Variants in RANBP2 observed in about 807,000 individuals in gnomAD.
RANBP2 encodes the protein E3 SUMO-protein ligase RanBP2.
Under a neutral mutation model 303.6 loss-of-function variants are expected in RANBP2, and 57 were observed. That is an observed-to-expected ratio of 0.19 (90% CI 0.15 to 0.23). The LOEUF (loss-of-function observed/expected upper bound fraction) is 0.23. Among genes scored for constraint, RANBP2 ranks in the 10% least tolerant of loss-of-function variants. The pLI is 1.00. For synonymous variants in RANBP2, 1,167 were observed against 1,301.5 expected (o/e 0.90, Z 2.23); for missense variants, 3,138 against 3,780.8 (o/e 0.83, Z 4.46).
chr2:109,386,403 G>T, the RANBP2 span, among the ~76,000 whole-genome samples: 1 of 151,574 alleles, frequency 6.6e-6, no homozygotes, highest in South Asian at 2.1e-4. Context: ...CGCTATGACT[G>T]TTACAAGAAG....
the RANBP2 span, among the ~76,000 whole-genome samples, chr2:108,889,096 T>C: frequency 6.6e-6 from 1 of 152,302 alleles, no homozygotes; most frequent in South Asian, 2.1e-4. Context: ...TTCCATGTTT[T>C]TGTATAGTTT....
the RANBP2 span, among the ~76,000 whole-genome samples, chr2:109,358,825 T>C: frequency 6.6e-6 from 1 of 152,244 alleles, no homozygotes; most frequent in Non-Finnish European, 1.5e-5. Context: ...TTGTGGATCA[T>C]GCTTTTGGTG....
chr2:109,641,950 C>T, the RANBP2 span, among the ~76,000 whole-genome samples: 14 of 152,156 alleles, frequency 9.2e-5, no homozygotes, highest in Non-Finnish European at 1.5e-4. Flanking sequence ...GGATTACAGG[C>T]GCCTGCCACC....
the RANBP2 span, among the ~76,000 whole-genome samples, chr2:109,160,497 A>G: frequency 6.6e-6 from 1 of 152,246 alleles, no homozygotes; most frequent in African/African-American, 2.4e-5. Context: ...ACCCTCTGGC[A>G]GGGAGAACGT....
At chr2:108,834,992 A>G in the RANBP2 span, among the ~76,000 whole-genome samples, 1 of 152,250 alleles carries the variant, frequency 6.6e-6, no homozygotes, top group African/African-American at 2.4e-5. Flanking sequence ...TTGAAGTCAA[A>G]TGGATCTTGA....
At chr2:108,815,989 T>A in the RANBP2 span, 1 of 1,613,490 alleles carries the variant, frequency 6.2e-7, no homozygotes, top group Admixed American at 1.7e-5. Context: ...CTTCATGGAC[T>A]GGATTTCGGA....
At chr2:109,677,839 G>T in the RANBP2 span, among the ~76,000 whole-genome samples, 1 of 152,232 alleles carries the variant, frequency 6.6e-6, no homozygotes, top group South Asian at 2.1e-4. Context: ...GTTTGTTTCT[G>T]TGTCTTACTC....
chr2:108,783,516 T>G, intron 28 of RANBP2, 80 bp from the exon 29 acceptor site: 1 of 1,038,682 alleles, frequency 9.6e-7, no homozygotes, highest in Non-Finnish European at 1.4e-6. Flanking sequence ...ATGAGTTCTG[T>G]GTGTATTTTA....
chr2:109,331,232 G>T, the RANBP2 span, among the ~76,000 whole-genome samples: 3 of 152,214 alleles, frequency 2.0e-5, no homozygotes, highest in East Asian at 3.9e-4. Context: ...TCCTGATATT[G>T]TGTACAGACC....
intron 6 of RANBP2, among the ~76,000 whole-genome samples, chr2:108,739,389 G>T (rs1173375589): frequency 3.9e-5 from 6 of 152,048 alleles, no homozygotes; most frequent in Admixed American, 3.9e-4. Context: ...GTGACAGAGT[G>T]AGATTCTGTC....
At chr2:109,676,171 A>T in the RANBP2 span, among the ~76,000 whole-genome samples, 1 of 152,180 alleles carries the variant, frequency 6.6e-6, no homozygotes, top group African/African-American at 2.4e-5. Flanking sequence ...TCCCTCTTCC[A>T]GCCCCATACC....
chr2:109,206,041 A>T, the RANBP2 span, among the ~76,000 whole-genome samples: 1 of 152,202 alleles, frequency 6.6e-6, no homozygotes, highest in Non-Finnish European at 1.5e-5. Flanking sequence ...TGTCACTTGT[A>T]CCCTGAGATG....
the RANBP2 span, among the ~76,000 whole-genome samples, chr2:109,408,968 CA>C: frequency 6.6e-6 from 1 of 152,168 alleles, no homozygotes; most frequent in Non-Finnish European, 1.5e-5. Context: ...AGAAAGGCTC[CA>C]GGGCAAGATA....
chr2:109,330,236 G>T, the RANBP2 span, among the ~76,000 whole-genome samples: 1 of 152,214 alleles, frequency 6.6e-6, no homozygotes, highest in Non-Finnish European at 1.5e-5. Context: ...AACTCTGTGG[G>T]TTGCAGAAAG....
At chr2:108,823,445 A>G in the RANBP2 span, among the ~76,000 whole-genome samples, 2 of 152,250 alleles carry the variant, frequency 1.3e-5, no homozygotes, top group South Asian at 2.1e-4. Flanking sequence ...ATAGGACCAC[A>G]TTCTGAGAAA....
At chr2:109,102,335 C>T in the RANBP2 span, among the ~76,000 whole-genome samples, 2 of 151,612 alleles carry the variant, frequency 1.3e-5, no homozygotes, top group African/African-American at 4.8e-5. Flanking sequence ...CTTCAGACCT[C>T]GTGATCCGCC....
At chr2:109,601,049 C>T in the RANBP2 span, among the ~76,000 whole-genome samples, 11,455 of 152,226 alleles carry the variant, frequency 0.075, 773 homozygotes, top group African/African-American at 0.17. Flanking sequence ...ATGTGTTTGG[C>T]CATCTGCAAG....
At chr2:109,486,737 G>A in the RANBP2 span, among the ~76,000 whole-genome samples, 1 of 152,124 alleles carries the variant, frequency 6.6e-6, no homozygotes, top group Non-Finnish European at 1.5e-5. Context: ...GAAGGGGAGG[G>A]GGAAGCTGGG....
At chr2:109,462,396 C>A in the RANBP2 span, among the ~76,000 whole-genome samples, 1 of 152,080 alleles carries the variant, frequency 6.6e-6, no homozygotes, top group Non-Finnish European at 1.5e-5. Flanking sequence ...TTTGCTTAAA[C>A]AACGAAACCA....
Sources: allele counts gnomAD v4.1 joint callset (sites outside exome capture counted in the v4.1 genomes callset), GRCh38; gene constraint gnomAD v4.1.1; transcripts MANE v1.5; gene names NCBI Gene and HGNC (gene_info 2026-07-23, HGNC 2026-07-21).